BMS1: variants seen among roughly 807,000 people sequenced by gnomAD.
BMS1 encodes the protein BMS1 ribosome biogenesis factor.
Under a neutral mutation model 138.7 loss-of-function variants are expected in BMS1, and 53 were observed. That is an observed-to-expected ratio of 0.38 (90% confidence interval 0.31 to 0.48). The LOEUF (loss-of-function observed/expected upper bound fraction) is 0.48. BMS1 is among the 20% of genes least tolerant of loss of function. The pLI, the probability that BMS1 is intolerant of heterozygous loss-of-function variation, is 0.97. For missense variants in BMS1, 1,360 were observed against 1,565.5 expected, an observed-to-expected ratio of 0.87 and a Z score of 2.22; for synonymous variants, 504 against 539.9, an observed-to-expected ratio of 0.93 and a Z score of 0.92.
intron 3 of BMS1, among the ~76,000 whole-genome samples, chr10:42,786,506 A>G (rs778847823): frequency 2.0e-5 from 3 of 151,284 alleles, no homozygotes; most frequent in African/African-American, 4.9e-5. Flanking sequence ...TGCAGCCTCT[A>G]CCTCCCAGGT....
chr10:42,805,234 G>C (rs967795942), intron 13 of BMS1, among the ~76,000 whole-genome samples: 20 of 152,092 alleles, frequency 1.3e-4, no homozygotes, highest in African/African-American at 4.6e-4. Context: ...TGCACCATCT[G>C]CTGAAAATCT....
rs369748237 is a variant in BMS1, at chr10:42,793,086, G to A, written c.1031G>A (p.Gly344Asp). Residue 344 changes from glycine to aspartate, a missense_variant, in exon 8 of 23, where the codon GGT (glycine) becomes GAT (aspartate). By Grantham distance (94) the Gly-to-Asp change is moderately conservative. Around this residue, in one of 3 missense-constraint regions of BMS1, gnomAD observed 697 missense variants for 686.2 expected, o/e 1.02. Coordinates refer to ENST00000374518, the MANE Select transcript of BMS1 (RefSeq NM_014753.4). Reference sequence around the variant, plus strand: ...TATGCGCCTCTTTCTGGAGTTGGGGGTGTGCTGTATGACAAAGACGCTGTC... The same window carrying A: ...TATGCGCCTCTTTCTGGAGTTGGGGATGTGCTGTATGACAAAGACGCTGTC... Reference protein sequence around the residue: ...LVYAPLSGVGGVLYDKDAVYV... With the variant: ...LVYAPLSGVGDVLYDKDAVYV... The A allele has an allele frequency of 5.0e-6, 8 of 1,613,882 alleles. No individual in the cohort carries two copies. The highest frequency in any genetic ancestry group is 5.1e-6 in the Non-Finnish European group (6 of 1,179,968).
rs202048989 is a variant in BMS1, at chr10:42,797,167, A to G, written c.1923A>G (p.Ile641Met). The change falls in exon 10 of 23, where the codon ATA (isoleucine) becomes ATG (methionine). Residue 641 changes from isoleucine (I) to methionine (M), a missense_variant. Physicochemically the swap from Ile to Met is conservative, Grantham distance 10 (BLOSUM62 1). Around this residue, in one of 3 missense-constraint regions of BMS1, gnomAD observed 697 missense variants for 686.2 expected, o/e 1.02. Coordinates refer to ENST00000374518, the MANE Select transcript of BMS1 (RefSeq NM_014753.4). ...PQNFIDETSD[I>M]ENLLKEEEDY... ...ACTTCATTGATGAGACCAGTGATAT[A>G]GAAAATTTACTCAAAGAGGAAGAAG... is the stretch of plus-strand genomic sequence containing the variant. 21 of 1,613,484 alleles carry G rather than the reference A, an allele frequency of 1.3e-5. No homozygotes were observed. The Admixed American group carries it at 3.5e-4, about 27-fold the overall frequency.
intron 12 of BMS1, among the ~76,000 whole-genome samples, chr10:42,801,491 G>A (rs561521586): frequency 6.6e-6 from 1 of 152,304 alleles, no homozygotes; most frequent in Non-Finnish European, 1.5e-5. Flanking sequence ...AGTTTCACCA[G>A]TTCTTCACCA....
intron 2 of BMS1, among the ~76,000 whole-genome samples, chr10:42,785,001 C>T (rs1841281296): frequency 6.6e-6 from 1 of 152,142 alleles, no homozygotes; most frequent in South Asian, 2.1e-4. Flanking sequence ...AGCAGCCTTA[C>T]CAGAGTAGGA....
In BMS1 at chr10:42,823,234, G is replaced by A; in HGVS notation, c.3249G>A (p.Arg1083=). The change falls in exon 20 of 23, where the codon AGG becomes AGA. Residue 1083 remains arginine, a synonymous_variant. Transcript: ENST00000374518. ...KALRAPEGAF[R]ASFEDKLLMS... The stretch of plus-strand genomic sequence containing the variant: ...TCCGAGCTCCAGAAGGAGCTTTCAG[G>A]GCCAGCTTTGAGGATAAGCTGCTGA... The A allele has an allele frequency of 1.3e-6, 2 of 1,598,618 alleles. No homozygotes were observed. The highest frequency in any genetic ancestry group is 1.7e-6 in the Non-Finnish European group (2 of 1,174,680).
At chr10:42,807,043 G>T (rs1842033553) in intron 13 of BMS1, among the ~76,000 whole-genome samples, 1 of 152,128 alleles carries the variant, frequency 6.6e-6, no homozygotes, top group Non-Finnish European at 1.5e-5. Flanking sequence ...TTATGTGTGT[G>T]TGTGTGTGTT....
intron 13 of BMS1, among the ~76,000 whole-genome samples, chr10:42,812,194 A>G (rs1842204260): frequency 6.6e-6 from 1 of 152,192 alleles, no homozygotes; most frequent in Non-Finnish European, 1.5e-5. Flanking sequence ...CACTTACGCT[A>G]GAGTGCGGTG....
rs918922046 is a variant in BMS1 at position 42,802,164 on chromosome 10, G to A, written c.2275G>A (p.Val759Met). 3.7e-6 allele frequency: 6 copies of A among 1,613,444 alleles called. No homozygotes were observed. The highest frequency in any genetic ancestry group is 1.3e-5 in the African/African-American group (1 of 75,008). The change falls in exon 13 of 23, where the codon GTG becomes ATG. Residue 759 changes from valine to methionine, a missense_variant. By Grantham distance (21) the Val-to-Met change is conservative. Coordinates refer to ENST00000374518, the MANE Select transcript of BMS1 (RefSeq NM_014753.4). ...TATGAACAGTATCAGAGATTGCTTC[G>A]TGACTGGAAAGTGGGAAGATGATAA... is the stretch of plus-strand genomic sequence containing the variant. ...EVMNSIRDCF[V>M]TGKWEDDKDA...
chr10:42,817,000 G>T (rs1376323662), intron 14 of BMS1, among the ~76,000 whole-genome samples: 1 of 152,146 alleles, frequency 6.6e-6, no homozygotes, highest in Non-Finnish European at 1.5e-5. Flanking sequence ...AAAGAATGAA[G>T]TCCCTGTTCT....
chr10:42,810,686 G>A (rs1331045994), intron 13 of BMS1, among the ~76,000 whole-genome samples: 1 of 152,066 alleles, frequency 6.6e-6, no homozygotes, highest in Non-Finnish European at 1.5e-5. Context: ...ATGGTTATAG[G>A]ACGATTCAGA....
intron 13 of BMS1, among the ~76,000 whole-genome samples, chr10:42,814,412 T>A (rs1315129610): frequency 6.6e-6 from 1 of 152,234 alleles, no homozygotes; most frequent in Non-Finnish European, 1.5e-5. Context: ...TTTTAATTTC[T>A]GTTACTGTAT....
intron 13 of BMS1, 107 bp from the exon 14 acceptor site, chr10:42,816,492 G>GC: frequency 1.2e-6 from 1 of 808,468 alleles, no homozygotes; most frequent in Non-Finnish European, 1.9e-6. Flanking sequence ...CAGGAACAGT[G>GC]AGAATGAGGC....
Position 42,831,188 on chromosome 10 carries a change from G to A in BMS1, c.*92G>A. ...ATGCCTGTGAATGACAAGTCAGTGG[G>A]AAAGAGCTCAAGAGATGTCTCTACT... On this transcript the variant is annotated 3_prime_UTR_variant, in exon 23 of 23. Coordinates refer to ENST00000374518, the MANE Select transcript of BMS1 (RefSeq NM_014753.4). The A allele has an allele frequency of 2.3e-6, 3 of 1,297,888 alleles. No homozygotes were observed. Among genetic ancestry groups the A allele is most frequent in the Non-Finnish European group, 3.2e-6 (3 of 950,312 alleles). The allele number at this position is 1,297,888 out of a possible 1,614,324, so 80.4% of individuals were successfully genotyped here.
At chr10:42,822,963 A>ACT (rs1842543531) in intron 19 of BMS1, among the ~76,000 whole-genome samples, 155 bp from the exon 20 acceptor site, 3 of 152,216 alleles carry the variant, frequency 2.0e-5, no homozygotes, top group Admixed American at 1.3e-4. Flanking sequence ...TTGAGATAGT[A>ACT]ATTCCACTTT....
At position 42,791,555 on chromosome 10, in the gene BMS1, A is replaced by G. The variant is rs1319588993; in HGVS notation, c.637-72A>G. 3 of 1,408,176 alleles carry G rather than the reference A, an allele frequency of 2.1e-6. No homozygotes were observed. The East Asian group carries it at 7.4e-5, about 35-fold the overall frequency. 87.2% of individuals were successfully genotyped at this position (1,408,176 alleles called of 1,614,324 possible). ...CTTCTTAGGATTGCTTCTTGTTTAG[A>G]GCTTTTATTTTGTTGCAGTATTGAT... is the stretch of plus-strand genomic sequence containing the variant. On this transcript the variant is annotated intron_variant, in intron 5 of 22. Transcript: ENST00000374518.
At chr10:42,792,746 A>G in intron 7 of BMS1, 132 bp downstream of exon 7, 1 of 1,418,318 alleles carries the variant, frequency 7.1e-7, no homozygotes, top group Non-Finnish European at 9.5e-7. Flanking sequence ...TAAGCCACCT[A>G]TGTGTAGGCC....
At chr10:42,794,859 C>T (rs188478966) in intron 9 of BMS1, among the ~76,000 whole-genome samples, 342 of 151,976 alleles carry the variant, frequency 2.3e-3, no homozygotes, top group Non-Finnish European at 4.0e-3. Flanking sequence ...GTGCGCTGCA[C>T]CCACTAACTT....
Position 42,805,535 on chromosome 10 carries a change from A to G in BMS1, c.2329+3317A>G, listed in dbSNP as rs557589872. Reference sequence around the variant, plus strand: ...AATTGCTATAAAAAAGCCCACTGCAATTTTGATTGGGATTTCATGGAACTT... The same window carrying G: ...AATTGCTATAAAAAAGCCCACTGCAGTTTTGATTGGGATTTCATGGAACTT... On this transcript the variant is annotated intron_variant, in intron 13 of 22. Coordinates refer to ENST00000374518, the MANE Select transcript of BMS1 (RefSeq NM_014753.4). Among the ~76,000 whole-genome samples the G allele has an allele frequency of 8.5e-5, 13 of 152,300 alleles. No homozygotes were observed. In the East Asian group the frequency reaches 1.2e-3, roughly 14 times the overall value.
Sources: allele counts gnomAD v4.1 joint callset (sites outside exome capture counted in the v4.1 genomes callset), GRCh38; gene constraint gnomAD v4.1.1; regional missense constraint gnomAD v4.1.1; transcripts MANE v1.5; gene names NCBI Gene and HGNC (gene_info 2026-07-23, HGNC 2026-07-21).